Variants in LATS2 observed in about 807,000 individuals in gnomAD.
The protein encoded by LATS2 is serine/threonine-protein kinase LATS2.
LATS2 carries 24 observed loss-of-function variants against 76.0 expected under a neutral mutation model. The ratio of observed to expected loss-of-function variants is 0.32; its 90% CI spans 0.23 to 0.44. The LOEUF is 0.44. Among genes scored for constraint, LATS2 ranks in the 20% least tolerant of loss-of-function variants. The pLI is 1.00. For synonymous variants in LATS2, 692 were observed against 635.4 expected, an observed-to-expected ratio of 1.09 and a Z score of -1.34; for missense variants, 1,286 against 1,481.2, an observed-to-expected ratio of 0.87 and a Z score of 2.16.
intron 7 of LATS2, among the ~76,000 whole-genome samples, chr13:20,979,205 C>G (rs1372235791): frequency 6.6e-6 from 1 of 152,206 alleles, no homozygotes; most frequent in Non-Finnish European, 1.5e-5. Flanking sequence ...CGCTATGTTA[C>G]TGGTAAGGCT....
In LATS2 at chr13:20,988,804, G is replaced by T. The variant is rs769031740; in HGVS notation, c.976C>A (p.His326Asn). The change falls in exon 4 of 8, where the codon CAC (histidine) becomes AAC (asparagine). Residue 326 changes from histidine to asparagine, a missense_variant. His to Asn is a moderately conservative substitution (Grantham distance 68). Transcript: ENST00000382592. ...PHHKQAGPAA[H>N]QLHVLGSRSQ... is the part of the protein sequence containing the mutation. ...CGGGAGCCCAGCACATGCAGCTGGTGGGCCGCGGGACCGGCCTGCTTGTGG... is the reference window on the plus strand; with the variant it reads ...CGGGAGCCCAGCACATGCAGCTGGTTGGCCGCGGGACCGGCCTGCTTGTGG... 1.1e-5 allele frequency: 17 copies of T among 1,595,782 alleles called. No homozygotes were observed. In the Admixed American group the frequency reaches 2.9e-4, roughly 27 times the overall value.
At chr13:21,039,282 T>A (rs1294020357) in intron 2 of LATS2, among the ~76,000 whole-genome samples, 2 of 152,210 alleles carry the variant, frequency 1.3e-5, no homozygotes, top group African/African-American at 4.8e-5. Flanking sequence ...GCACGCGTGT[T>A]CAGTAACACC....
intron 2 of LATS2, among the ~76,000 whole-genome samples, chr13:20,998,773 G>C (rs1403172726): frequency 6.6e-6 from 1 of 151,268 alleles, no homozygotes; most frequent in Non-Finnish European, 1.5e-5. Flanking sequence ...CGACAACCTT[G>C]GGCTGGTGGG....
chr13:20,989,397 CG>C, intron 3 of LATS2, 93 bp from the exon 4 acceptor site: 1 of 1,361,850 alleles, frequency 7.3e-7, no homozygotes. Context: ...GCGCTGCCCT[CG>C]GGGCTGAGGG....
chr13:21,015,434 A>G (rs1211430459), intron 2 of LATS2, among the ~76,000 whole-genome samples: 1 of 152,152 alleles, frequency 6.6e-6, no homozygotes, highest in Non-Finnish European at 1.5e-5. Context: ...GACATGTCCA[A>G]TACATAGTTA....
chr13:21,023,501 T>C (rs569753303), intron 2 of LATS2, among the ~76,000 whole-genome samples: 1 of 151,956 alleles, frequency 6.6e-6, no homozygotes, highest in African/African-American at 2.4e-5. Context: ...TTGGCCTCTG[T>C]TCTCGAGGCG....
chr13:21,018,637 G>A (rs1176055322), intron 2 of LATS2, among the ~76,000 whole-genome samples: 2 of 152,136 alleles, frequency 1.3e-5, no homozygotes, highest in African/African-American at 4.8e-5. Flanking sequence ...AAGACTCTCC[G>A]AGCCTTCTTT....
At chr13:21,022,427 G>A (rs1344213989) in intron 2 of LATS2, among the ~76,000 whole-genome samples, 1 of 152,096 alleles carries the variant, frequency 6.6e-6, no homozygotes, top group Non-Finnish European at 1.5e-5. Context: ...CACTAGCCCC[G>A]AAAGCCTAAA....
chr13:20,989,821 T>G (rs1043964056), intron 3 of LATS2, among the ~76,000 whole-genome samples: 1 of 152,210 alleles, frequency 6.6e-6, no homozygotes, highest in Non-Finnish European at 1.5e-5. Flanking sequence ...CTTTCTAGTT[T>G]TTTTTGTCTA....
At chr13:21,017,256 G>A (rs1871837471) in intron 2 of LATS2, among the ~76,000 whole-genome samples, 1 of 152,168 alleles carries the variant, frequency 6.6e-6, no homozygotes, top group African/African-American at 2.4e-5. Flanking sequence ...CTGATGTTTG[G>A]TAGTTTTTTT....
rs574732006 is a variant in LATS2 at position 20,988,043 on chromosome 13, G to A, written c.1737C>T (p.Pro579=). The A allele has an allele frequency of 9.9e-6, 16 of 1,614,240 alleles. No individual in the cohort carries two copies. The highest frequency in any genetic ancestry group is 2.2e-5 in the East Asian group (1 of 44,886). Residue 579 remains proline, a synonymous_variant, in exon 4 of 8, where the codon CCC becomes CCT. Transcript: ENST00000382592. The stretch of plus-strand genomic sequence containing the variant: ...CTTCGTCTCTGCTGTTTTTGCGGAC[G>A]GGAACGGGAGAGGTCTGAATCTGCT... The part of the protein sequence containing the change: ...DKKQIQTSPV[P]VRKNSRDEEK...
At chr13:21,059,902 T>C (rs760268008) in intron 1 of LATS2, among the ~76,000 whole-genome samples, 6 of 151,568 alleles carry the variant, frequency 4.0e-5, no homozygotes, top group Non-Finnish European at 5.9e-5. Context: ...GAGACGGAGG[T>C]TGCAGTGAGC....
intron 2 of LATS2, among the ~76,000 whole-genome samples, chr13:21,043,256 T>G (rs1002461209): frequency 6.6e-6 from 1 of 150,648 alleles, no homozygotes; most frequent in African/African-American, 2.4e-5. Context: ...GAGAATCACT[T>G]GAACCCAGGA....
In LATS2 at chr13:21,059,170, T is replaced by C. The variant is rs78820606; in HGVS notation, c.-205+2176A>G. 3.5e-3 allele frequency among the ~76,000 whole-genome samples: 538 copies of C among 152,354 alleles called. 1 individual carries two copies. Among genetic ancestry groups the C allele is most frequent in the African/African-American group, 0.013 (523 of 41,578 alleles). The stretch of plus-strand genomic sequence containing the variant: ...TATTAAAATACGGGCAAACTTTCCT[T>C]TAAAAATGTACGTATTTGTTGAATA... On this transcript the variant is annotated intron_variant, in intron 1 of 7. Coordinates refer to ENST00000382592, the MANE Select transcript of LATS2 (RefSeq NM_014572.3).
intron 2 of LATS2, among the ~76,000 whole-genome samples, chr13:21,007,697 ATAGTATGT>A (rs1871381896): frequency 0.017 from 14 of 846 alleles, 4 homozygotes; most frequent in African/African-American, 0.023. Flanking sequence ...ATATATATAT[ATAGTATGT>A]ATATATATAT....
intron 2 of LATS2, among the ~76,000 whole-genome samples, chr13:21,014,091 G>C (rs949800421): frequency 6.6e-6 from 1 of 151,356 alleles, no homozygotes; most frequent in African/African-American, 2.4e-5. Flanking sequence ...GAAAGGAAGG[G>C]AGGGAGATTA....
chr13:20,987,471 C>T (rs1200343558), intron 4 of LATS2, among the ~76,000 whole-genome samples: 2 of 152,192 alleles, frequency 1.3e-5, no homozygotes, highest in Non-Finnish European at 2.9e-5. Flanking sequence ...CTACTAGATA[C>T]ATTTTTCTTC....
chr13:20,981,128 T>A (rs1367791454), intron 6 of LATS2, among the ~76,000 whole-genome samples: 3 of 152,084 alleles, frequency 2.0e-5, no homozygotes, highest in Non-Finnish European at 2.9e-5. Flanking sequence ...AAATGTGTGG[T>A]CTGGGCAGAC....
At chr13:21,028,385 A>C (rs866658472) in intron 2 of LATS2, among the ~76,000 whole-genome samples, 6 of 152,152 alleles carry the variant, frequency 3.9e-5, no homozygotes, top group Non-Finnish European at 8.8e-5. Context: ...TGCCGCAATA[A>C]ACATATGTGT....
Sources: gnomAD v4.1 joint callset for allele counts (sites outside exome capture counted in the v4.1 genomes callset) on GRCh38, gnomAD v4.1.1 for gene constraint, MANE v1.5 for transcripts, NCBI Gene and HGNC (gene_info 2026-07-23, HGNC 2026-07-21) for gene names.